Variants in CNTRL observed in about 807,000 individuals in gnomAD.
The protein encoded by CNTRL is 110 kDa centrosomal protein.
CNTRL carries 233 observed loss-of-function variants against 303.7 expected under a neutral mutation model. That is an observed-to-expected ratio of 0.77 (90% CI 0.69 to 0.86). The LOEUF (loss-of-function observed/expected upper bound fraction) is 0.86, where lower values mean the gene tolerates loss of function less well. CNTRL is among the 40% of genes least tolerant of loss of function. The pLI is 0.00. For synonymous variants in CNTRL, 900 were observed against 922.2 expected, an observed-to-expected ratio of 0.98 and a Z score of 0.44; for missense variants, 2,524 against 2,650.6, an observed-to-expected ratio of 0.95 and a Z score of 1.05.
intron 43 of CNTRL, 42 bp from the exon 44 acceptor site, chr9:121,177,121 G>A: frequency 6.4e-7 from 1 of 1,571,768 alleles, no homozygotes; most frequent in Non-Finnish European, 8.8e-7. Flanking sequence ...TGTTTTTACT[G>A]TTTCAAGAAT....
At chr9:121,174,285 TG>T (rs1335074177) in intron 42 of CNTRL, among the ~76,000 whole-genome samples, 4 of 152,160 alleles carry the variant, frequency 2.6e-5, no homozygotes, top group African/African-American at 9.7e-5. Flanking sequence ...GTGGGGGGAA[TG>T]GCTATGTAGA....
intron 19 of CNTRL, 41 bp from the exon 20 acceptor site, chr9:121,143,862 C>G (rs1047149142): frequency 8.7e-6 from 13 of 1,495,102 alleles, no homozygotes; most frequent in Non-Finnish European, 1.2e-5. Flanking sequence ...TCATTCCTGC[C>G]AAATGATTCA....
chr9:121,087,992 CT>C (rs1479691208), intron 2 of CNTRL, among the ~76,000 whole-genome samples: 2 of 152,294 alleles, frequency 1.3e-5, no homozygotes, highest in East Asian at 3.9e-4. Flanking sequence ...TTCCTGCATT[CT>C]AGGACCCCGT....
intron 24 of CNTRL, among the ~76,000 whole-genome samples, chr9:121,149,697 G>A (rs146282363): frequency 2.4e-4 from 37 of 152,232 alleles, no homozygotes; most frequent in African/African-American, 8.4e-4. Flanking sequence ...GTGAGCCACC[G>A]TATGTGTCCA....
intron 2 of CNTRL, among the ~76,000 whole-genome samples, chr9:121,085,822 A>G (rs2048321390): frequency 6.6e-6 from 1 of 152,202 alleles, no homozygotes; most frequent in Admixed American, 6.5e-5. Flanking sequence ...GACTAGAGCA[A>G]TGGTATGTGG....
intron 6 of CNTRL, among the ~76,000 whole-genome samples, chr9:121,098,059 G>C (rs1588092502): frequency 1.3e-5 from 2 of 152,256 alleles, no homozygotes; most frequent in South Asian, 4.1e-4. Context: ...TTCAAATCCT[G>C]TTTCATTCAC....
At chr9:121,156,968 T>A (rs2131671874) in intron 27 of CNTRL, among the ~76,000 whole-genome samples, 1 of 152,322 alleles carries the variant, frequency 6.6e-6, no homozygotes, top group Middle Eastern at 3.4e-3. Flanking sequence ...GGTAGATAGT[T>A]TTAATATTTA....
intron 11 of CNTRL, among the ~76,000 whole-genome samples, chr9:121,116,497 T>C (rs1298130210): frequency 1.3e-5 from 2 of 152,112 alleles, no homozygotes; most frequent in South Asian, 2.1e-4. Context: ...ATTTTTTATA[T>C]TTTTTTGTAG....
intron 41 of CNTRL, 63 bp downstream of exon 41, chr9:121,173,572 A>T: frequency 6.2e-7 from 1 of 1,610,262 alleles, no homozygotes; most frequent in Non-Finnish European, 8.5e-7. Context: ...AGCTAAGCTA[A>T]AACACAGATG....
chr9:121,140,857 A>G (rs1454892766), intron 17 of CNTRL, 71 bp downstream of exon 17: 2 of 1,420,360 alleles, frequency 1.4e-6, no homozygotes, highest in African/African-American at 1.4e-5. Flanking sequence ...GTGAGGTTCA[A>G]TGATAAACTC....
chr9:121,138,440 A>G, intron 15 of CNTRL, 105 bp from the exon 16 acceptor site: 5 of 1,168,704 alleles, frequency 4.3e-6, no homozygotes, highest in African/African-American at 1.6e-5. Context: ...TTGTAAAACT[A>G]TAGCTAGCAA....
Position 121,173,407 on chromosome 9 carries a change from A to C in CNTRL, c.6582A>C (p.Glu2194Asp). 2 of 1,614,126 alleles carry C rather than the reference A, an allele frequency of 1.2e-6. No individual in the cohort carries two copies. The highest frequency in any genetic ancestry group is 8.5e-7 in the Non-Finnish European group (1 of 1,180,036). ...ADLEAILERN[E>D]NLEGELESLK... is the part of the protein sequence containing the mutation. ...TAGAAGCTATTTTGGAAAGAAACGA[A>C]AACCTAGAAGGAGAATTGGAAAGCT... Residue 2194 changes from glutamate (E) to aspartate (D), a missense_variant, in exon 41 of 44, where the codon GAA becomes GAC. Transcript: ENST00000373855.
intron 30 of CNTRL, among the ~76,000 whole-genome samples, chr9:121,158,422 C>T (rs2052688963): frequency 6.6e-6 from 1 of 151,858 alleles, no homozygotes; most frequent in Non-Finnish European, 1.5e-5. Flanking sequence ...TTTCTGTTGT[C>T]TTCCTTTTGC....
chr9:121,101,119 A>G (rs1346652573), intron 7 of CNTRL, among the ~76,000 whole-genome samples: 2 of 152,206 alleles, frequency 1.3e-5, no homozygotes, highest in Non-Finnish European at 2.9e-5. Context: ...ACCACATTGC[A>G]CTTATTCCAA....
intron 40 of CNTRL, among the ~76,000 whole-genome samples, chr9:121,172,462 G>A (rs898429194): frequency 3.3e-5 from 5 of 151,986 alleles, no homozygotes; most frequent in African/African-American, 7.3e-5. Context: ...GAAACATGCC[G>A]AGACCCCGTC....
intron 4 of CNTRL, among the ~76,000 whole-genome samples, chr9:121,094,114 C>G (rs2132465441): frequency 6.8e-6 from 1 of 146,388 alleles, no homozygotes; most frequent in Non-Finnish European, 1.5e-5. Flanking sequence ...TCCCCGCCCC[C>G]TCCCCACCCC....
intron 5 of CNTRL, 148 bp downstream of exon 5, chr9:121,095,166 C>A: frequency 1.6e-6 from 1 of 623,168 alleles, no homozygotes. Flanking sequence ...ATGTCTGTCT[C>A]TTCACATATG....
intron 32 of CNTRL, chr9:121,161,246 ATTT>A: frequency 2.3e-6 from 1 of 437,210 alleles, no homozygotes; most frequent in Middle Eastern, 3.0e-4. Flanking sequence ...GTGGGTTTTC[ATTT>A]TTTTCTCTTA....
At position 121,158,206 on chromosome 9, in the gene CNTRL, T is replaced by C. The variant is rs184982090; in HGVS notation, c.4764+97T>C. 2.5e-5 allele frequency: 35 copies of C among 1,382,786 alleles called. No homozygotes were observed. The African/African-American group carries it at 3.6e-4, about 14-fold the overall frequency. The allele number at this position is 1,382,786 out of a possible 1,614,324, so 85.7% of individuals were successfully genotyped here. On this transcript the variant is annotated intron_variant, in intron 30 of 43. Transcript: ENST00000373855. ...TTGTAGAAAAGAATAAATGCGGCTA[T>C]GTATTATAGTTGTTAAGCATGAAGT...
Sources: gnomAD v4.1 joint callset for allele counts (sites outside exome capture counted in the v4.1 genomes callset) on GRCh38, gnomAD v4.1.1 for gene constraint, MANE v1.5 for transcripts, NCBI Gene and HGNC (gene_info 2026-07-23, HGNC 2026-07-21) for gene names.